The following MAPK4 variants were observed in gnomAD, a reference collection of about 807,000 sequenced individuals.
The protein encoded by MAPK4 is mitogen-activated protein kinase 4, also known as Erk3-related.
MAPK4 carries 22 observed loss-of-function variants against 47.7 expected under a neutral mutation model. The ratio of observed to expected loss-of-function variants is 0.46; its 90% CI spans 0.33 to 0.66. MAPK4 has a LOEUF of 0.66. Among genes scored for constraint, MAPK4 ranks in the 30% least tolerant of loss-of-function variants. MAPK4 has a pLI of 0.02. For synonymous variants in MAPK4, 390 were observed against 365.7 expected, an observed-to-expected ratio of 1.07 and a Z score of -0.76; for missense variants, 736 against 831.7, an observed-to-expected ratio of 0.88 and a Z score of 1.42.
chr18:50,573,806 A>G (rs1451582615), intron 1 of MAPK4, among the ~76,000 whole-genome samples: 1 of 152,162 alleles, frequency 6.6e-6, no homozygotes, highest in African/African-American at 2.4e-5. Context: ...TATATCCTCC[A>G]TGGTTTTGTG....
chr18:50,684,369 AC>A (rs1908751178), intron 2 of MAPK4, among the ~76,000 whole-genome samples: 1 of 151,794 alleles, frequency 6.6e-6, no homozygotes, highest in East Asian at 1.9e-4. Context: ...ACATCGCAAG[AC>A]CCCTTTTTCT....
chr18:50,679,737 G>A (rs887509597), intron 2 of MAPK4, among the ~76,000 whole-genome samples: 7 of 152,190 alleles, frequency 4.6e-5, no homozygotes, highest in African/African-American at 1.7e-4. Flanking sequence ...GCATGGAGGC[G>A]CTCGGGCTTC....
intron 2 of MAPK4, among the ~76,000 whole-genome samples, chr18:50,696,734 A>G (rs192191862): frequency 2.8e-4 from 42 of 152,354 alleles, no homozygotes; most frequent in African/African-American, 8.7e-4. Flanking sequence ...CACGGATTCT[A>G]TGTGAGAACC....
intron 2 of MAPK4, among the ~76,000 whole-genome samples, chr18:50,701,318 C>T (rs1239524434): frequency 1.3e-5 from 2 of 152,114 alleles, no homozygotes; most frequent in Non-Finnish European, 2.9e-5. Context: ...GGGAGGGACC[C>T]TAACCTTGTG....
chr18:50,677,614 C>T (rs2144303431), intron 2 of MAPK4, among the ~76,000 whole-genome samples: 1 of 151,908 alleles, frequency 6.6e-6, no homozygotes, highest in South Asian at 2.1e-4. Flanking sequence ...GGCTGGAGTG[C>T]AGATCATAGC....
In MAPK4 at chr18:50,677,566, TG is replaced by T. The variant is rs200674846; in HGVS notation, c.546+13063del. On this transcript the variant is annotated intron_variant, in intron 2 of 5. Coordinates refer to ENST00000400384, the MANE Select transcript of MAPK4 (RefSeq NM_002747.4). ...TCATGTGTGTAAGGTTTTTTTTTGT[TG>T]TTTTTTTTTTGAGACAGGGTCCCAC... Among the ~76,000 whole-genome samples, 637 of 151,462 alleles carry T rather than the reference TG, an allele frequency of 4.2e-3. 6 individuals are homozygous for T. The highest frequency in any genetic ancestry group is 0.015 in the African/African-American group (599 of 41,182).
chr18:50,685,610 C>T (rs1412763327), intron 2 of MAPK4, among the ~76,000 whole-genome samples: 1 of 152,198 alleles, frequency 6.6e-6, no homozygotes, highest in Non-Finnish European at 1.5e-5. Flanking sequence ...AGGCAGGACT[C>T]CTGTCCTGGC....
chr18:50,673,451 A>C (rs1311341197), intron 2 of MAPK4, among the ~76,000 whole-genome samples: 2 of 152,228 alleles, frequency 1.3e-5, no homozygotes, highest in African/African-American at 4.8e-5. Flanking sequence ...GGGACGCTGG[A>C]GTGGAGCTAG....
rs1911410156 is a variant in MAPK4 at position 50,729,461 on chromosome 18, C to T, written c.1371C>T (p.Ile457=). 1 of 1,510,302 alleles carries T rather than the reference C, an allele frequency of 6.6e-7. No homozygotes were observed. The highest frequency in any genetic ancestry group is 2.1e-5 in the Admixed American group (1 of 48,036). The allele number at this position is 1,510,302 out of a possible 1,614,324, so 93.6% of individuals were successfully genotyped here. The change falls in exon 6 of 6, where the codon ATC becomes ATT. Residue 457 remains isoleucine, a synonymous_variant. Transcript: ENST00000400384. ...ACCACTACTCGGAGCCCAAGCTCAT[C>T]CTGGACCTGTCGCACTGGAAGCAGG... ...KPHHYSEPKL[I]LDLSHWKQAA...
intron 1 of MAPK4, among the ~76,000 whole-genome samples, chr18:50,603,164 C>A (rs978615358): frequency 2.0e-5 from 3 of 152,088 alleles, no homozygotes; most frequent in African/African-American, 7.2e-5. Context: ...GGTCAGTCCC[C>A]CATGGGCCAT....
At chr18:50,710,361 T>C (rs1410497478) in intron 2 of MAPK4, among the ~76,000 whole-genome samples, 2 of 151,804 alleles carry the variant, frequency 1.3e-5, no homozygotes, top group Non-Finnish European at 2.9e-5. Context: ...CGTGTGCCTG[T>C]AGTCTCAGCT....
chr18:50,598,285 C>T (rs1457429366), intron 1 of MAPK4, among the ~76,000 whole-genome samples: 4 of 152,210 alleles, frequency 2.6e-5, no homozygotes, highest in Non-Finnish European at 5.9e-5. Flanking sequence ...AACTCGATCA[C>T]ATCACTTACA....
At position 50,729,682 on chromosome 18, in the gene MAPK4, G is replaced by T; in HGVS notation, c.1592G>T (p.Gly531Val). 6.5e-7 allele frequency: 1 copy of T among 1,532,512 alleles called. No individual in the cohort carries two copies. Among genetic ancestry groups the T allele is most frequent in the East Asian group, 2.5e-5 (1 of 40,736 alleles). 94.9% of individuals were successfully genotyped at this position (1,532,512 alleles called of 1,614,324 possible). A position where few individuals can be genotyped will look rare whatever the true frequency, so the allele number is the denominator to read the frequency against. Residue 531 changes from glycine to valine, a missense_variant, in exon 6 of 6, where the codon GGC becomes GTC. By Grantham distance (109) the Gly-to-Val change is moderately radical. Coordinates refer to ENST00000400384, the MANE Select transcript of MAPK4 (RefSeq NM_002747.4). ...SPPGRPAPVDGGASPQFDLDV... is the reference protein window; with the variant it reads ...SPPGRPAPVDVGASPQFDLDV... ...CCCGGCCGCCCGGCCCCGGTGGACG[G>T]CGGCGCCAGCCCCCAGTTCGACCTG...
intron 1 of MAPK4, among the ~76,000 whole-genome samples, chr18:50,651,163 G>A (rs543607469): frequency 1.3e-5 from 2 of 152,220 alleles, no homozygotes; most frequent in African/African-American, 2.4e-5. Flanking sequence ...TGGGGTTCCC[G>A]TTGAGGCTCT....
chr18:50,597,663 G>C (rs2042494850), intron 1 of MAPK4, among the ~76,000 whole-genome samples: 1 of 152,180 alleles, frequency 6.6e-6, no homozygotes, highest in Admixed American at 6.5e-5. Flanking sequence ...GTTGGACCAG[G>C]AGGCACCCCC....
chr18:50,680,016 G>C (rs528879437), intron 2 of MAPK4, among the ~76,000 whole-genome samples: 54 of 149,654 alleles, frequency 3.6e-4, no homozygotes, highest in Non-Finnish European at 6.8e-4. Flanking sequence ...AGCGAGTTAG[G>C]AAAAGGCCAC....
chr18:50,694,275 C>T (rs1909387844), intron 2 of MAPK4, among the ~76,000 whole-genome samples: 1 of 152,148 alleles, frequency 6.6e-6, no homozygotes, highest in Admixed American at 6.5e-5. Flanking sequence ...CAGCCTCCAT[C>T]CTCCCTCCTC....
At chr18:50,587,912 G>A (rs933065020) in intron 1 of MAPK4, among the ~76,000 whole-genome samples, 9 of 151,972 alleles carry the variant, frequency 5.9e-5, no homozygotes, top group African/African-American at 1.9e-4. Context: ...TATATTTTTA[G>A]TAGAGACAGG....
At chr18:50,682,615 A>G (rs780630015) in intron 2 of MAPK4, among the ~76,000 whole-genome samples, 1 of 152,238 alleles carries the variant, frequency 6.6e-6, no homozygotes, top group Non-Finnish European at 1.5e-5. Context: ...TTATCCCAGG[A>G]ATGCAAATTT....
Sources: gnomAD v4.1 joint callset for allele counts (sites outside exome capture counted in the v4.1 genomes callset) on GRCh38, gnomAD v4.1.1 for gene constraint, MANE v1.5 for transcripts, NCBI Gene and HGNC (gene_info 2026-07-23, HGNC 2026-07-21) for gene names.